NBPF15: variants seen among roughly 807,000 people sequenced by gnomAD.
The protein encoded by NBPF15 is NBPF member 15.
NBPF15 carries 74 observed loss-of-function variants against 62.2 expected under a neutral mutation model. The ratio of observed to expected loss-of-function variants is 1.19; its 90% confidence interval spans 0.99 to 1.44. The LOEUF (loss-of-function observed/expected upper bound fraction) is 1.44, where lower values mean the gene tolerates loss of function less well. NBPF15 is among the 40% of genes most tolerant of loss of function. The pLI, the probability that NBPF15 is intolerant of heterozygous loss-of-function variation, is 0.00. For missense variants in NBPF15, 790 were observed against 550.0 expected, an observed-to-expected ratio of 1.44 and a Z score of -4.36; for synonymous variants, 244 against 209.7, an observed-to-expected ratio of 1.16 and a Z score of -1.41.
At chr1:144,445,346 TATATATATACACAC>T (rs1267449102) in intron 6 of NBPF15, among the ~76,000 whole-genome samples, 6 of 126,202 alleles carry the variant, frequency 4.8e-5, no homozygotes, top group African/African-American at 1.6e-4. Context: ...TATATATATA[TATATATATACACAC>T]ACACACACAC....
At chr1:144,437,784 C>A (rs1203890274) in intron 9 of NBPF15, among the ~76,000 whole-genome samples, 161 bp downstream of exon 9, 833 of 117,514 alleles carry the variant, frequency 7.1e-3, no homozygotes, top group Admixed American at 0.011. Context: ...TTTTTATTAT[C>A]CTTCTTCTCT....
chr1:144,447,529 C>G (rs1688453655), intron 6 of NBPF15, among the ~76,000 whole-genome samples: 5 of 151,684 alleles, frequency 3.3e-5, no homozygotes. Context: ...CACAGGGGAG[C>G]CAGGGATGCA....
Position 144,457,271 on chromosome 1 carries a change from T to A in NBPF15, c.-700-466A>T, listed in dbSNP as rs71239349. ...TTCGATTCTTTCTGTTAGGGAATTA[T>A]GAGTGTGTGGGTGTAGTTAATGCTT... is the stretch of plus-strand genomic sequence containing the variant. On this transcript the variant is annotated intron_variant, in intron 3 of 21. Coordinates refer to ENST00000581897, the MANE Select transcript of NBPF15 (RefSeq NM_001385408.1). Among the ~76,000 whole-genome samples, 112 of 152,190 alleles carry A rather than the reference T, an allele frequency of 7.4e-4. 1 individual carries two copies. Among genetic ancestry groups the A allele is most frequent in the East Asian group, 9.7e-4 (5 of 5,178 alleles).
chr1:144,442,179 T>C (rs1309569609), intron 6 of NBPF15, among the ~76,000 whole-genome samples: 1 of 92,202 alleles, frequency 1.1e-5, no homozygotes, highest in African/African-American at 4.6e-5. Flanking sequence ...TATATATATA[T>C]AATATATATA....
chr1:144,433,490 C>CA (rs1475278213), intron 13 of NBPF15, among the ~76,000 whole-genome samples: 28 of 145,914 alleles, frequency 1.9e-4, no homozygotes, highest in African/African-American at 4.3e-4. Context: ...AAAAACCCTT[C>CA]AAAAAATCAA....
intron 19 of NBPF15, among the ~76,000 whole-genome samples, chr1:144,425,187 G>A (rs1553539061): frequency 2.2e-5 from 3 of 136,284 alleles, no homozygotes; most frequent in Non-Finnish European, 4.7e-5. Flanking sequence ...GACACTCTGA[G>A]TTAGTGCCCT....
intron 14 of NBPF15, among the ~76,000 whole-genome samples, chr1:144,429,052 T>G: frequency 6.6e-6 from 1 of 152,084 alleles, no homozygotes; most frequent in African/African-American, 2.4e-5. Context: ...AGAGATTTGA[T>G]GAAGGGGTGC....
At chr1:144,433,238 G>A (rs1675815878) in intron 13 of NBPF15, among the ~76,000 whole-genome samples, 1 of 151,990 alleles carries the variant, frequency 6.6e-6, no homozygotes. Flanking sequence ...AAATAAAGAT[G>A]TTCTTTGAAA....
rs587762061 is a variant in NBPF15 at position 144,445,970 on chromosome 1, C to T, written c.-191+2805G>A. 4.7e-5 allele frequency among the ~76,000 whole-genome samples: 7 copies of T among 147,532 alleles called. No individual in the cohort carries two copies. In the South Asian group the frequency reaches 8.8e-4, roughly 18 times the overall value. On this transcript the variant is annotated intron_variant, in intron 6 of 21. Coordinates refer to ENST00000581897, the MANE Select transcript of NBPF15 (RefSeq NM_001385408.1). ...CTCCCAGGTTCAAGTGATCCTCCTG[C>T]CTCAGCCTCCCAAGTAGCTGGACTA...
chr1:144,440,957 C>T (rs1413529856), intron 6 of NBPF15, among the ~76,000 whole-genome samples: 14 of 151,748 alleles, frequency 9.2e-5, no homozygotes, highest in Admixed American at 3.9e-4. Flanking sequence ...CATGAGCCAC[C>T]GCACCCGGCC....
chr1:144,455,915 G>C (rs1302399664), intron 4 of NBPF15, among the ~76,000 whole-genome samples: 2 of 152,034 alleles, frequency 1.3e-5, no homozygotes, highest in Non-Finnish European at 2.9e-5. Flanking sequence ...ACAAGGTCCT[G>C]GGGAACCAAG....
chr1:144,442,374 A>T (rs1553542983), intron 6 of NBPF15, among the ~76,000 whole-genome samples: 1 of 138,942 alleles, frequency 7.2e-6, no homozygotes, highest in African/African-American at 2.7e-5. Flanking sequence ...ACATGTATAC[A>T]TGTATATATA....
rs1553538609 is a variant in NBPF15 at position 144,423,255 on chromosome 1, G to C, written c.1771C>G (p.Leu591Val). The C allele has an allele frequency of 1.2e-6, 2 of 1,611,282 alleles. No homozygotes were observed. The highest frequency in any genetic ancestry group is 2.2e-5 in the South Asian group (2 of 90,964). ...GEDDNPPCPR[L>V]YGVLMEVEEP... is the part of the protein sequence containing the mutation. The stretch of plus-strand genomic sequence containing the variant: ...TCCACTTCCATCAGCACGCCGTAGA[G>C]CCTGGAAAAGGAGACAAAACTAAAG... Residue 591 changes from leucine (L) to valine (V), a missense_variant and splice_region_variant, in exon 22 of 22, where the codon CTC (leucine) becomes GTC (valine). Leu to Val is a conservative substitution (Grantham distance 32). Transcript: ENST00000581897.
Position 144,451,337 on chromosome 1 carries a change from G to A in NBPF15, c.-431-467C>T, listed in dbSNP as rs377640780. On this transcript the variant is annotated intron_variant, in intron 4 of 21. Transcript: ENST00000581897. ...GGGATATACAATCGGGCTTTACACC[G>A]AGACATTCCATTGCCCAGGGATGAG... Among the ~76,000 whole-genome samples, 9 of 151,810 alleles carry A rather than the reference G, an allele frequency of 5.9e-5. No homozygotes were observed. The South Asian group carries it at 6.3e-4, about 11-fold the overall frequency.
chr1:144,423,502 T>C lies in NBPF15; in HGVS notation c.1770-246A>G, dbSNP rs587755770. Among the ~76,000 whole-genome samples the C allele has an allele frequency of 5.3e-4, 81 of 151,952 alleles. 1 individual carries two copies. The highest frequency in any genetic ancestry group is 1.6e-3 in the Admixed American group (25 of 15,240). On this transcript the variant is annotated intron_variant, in intron 21 of 21. Transcript: ENST00000581897. ...GACAGAGAGAAAGTGAGCTAGTGAA[T>C]TGCCCAGGTGACATACTGGTAAGGG... is the stretch of plus-strand genomic sequence containing the variant.
Position 144,422,946 on chromosome 1 carries a change from T to C in NBPF15, c.*67A>G. 6.8e-6 allele frequency: 11 copies of C among 1,611,578 alleles called. 1 individual carries two copies. In the South Asian group the frequency reaches 1.2e-4, roughly 18 times the overall value. On this transcript the variant is annotated 3_prime_UTR_variant, in exon 22 of 22. Transcript: ENST00000581897. Reference sequence around the variant, plus strand: ...GCTTCCAAATGGAACTGTACTTTCATTCAAATCTTCTCGTGCCTATAGGTC... The same window carrying C: ...GCTTCCAAATGGAACTGTACTTTCACTCAAATCTTCTCGTGCCTATAGGTC...
intron 13 of NBPF15, among the ~76,000 whole-genome samples, chr1:144,432,457 A>C (rs9438163): frequency 1.3e-5 from 2 of 152,002 alleles, no homozygotes; most frequent in Non-Finnish European, 2.9e-5. Flanking sequence ...CACACATAAC[A>C]ATATTAACCT....
Position 144,426,449 on chromosome 1 carries a change from G to A in NBPF15, c.1267C>T (p.Leu423Phe), listed in dbSNP as rs1312283944. 7 of 794,950 alleles carry A rather than the reference G, an allele frequency of 8.8e-6. No individual in the cohort carries two copies. The highest frequency in any genetic ancestry group is 1.6e-5 in the Non-Finnish European group (7 of 435,796). 49.2% of individuals were successfully genotyped at this position (794,950 alleles called of 1,614,324 possible). A position where few individuals can be genotyped will look rare whatever the true frequency, so the allele number is the denominator to read the frequency against. The change falls in exon 18 of 22, where the codon CTC (leucine) becomes TTC (phenylalanine). Residue 423 changes from leucine (L) to phenylalanine (F), a missense_variant and splice_region_variant. Coordinates refer to ENST00000581897, the MANE Select transcript of NBPF15 (RefSeq NM_001385408.1). ...TTCTCATCCAGCAGCTCCCTGCTGA[G>A]CCTGGAAAAGTAGGAAAAAGTAAAG... Reference protein sequence around the residue: ...EEDQDPSCPRLSRELLDEKEP... With the variant: ...EEDQDPSCPRFSRELLDEKEP...
At chr1:144,434,917 G>C (rs587672448) in intron 12 of NBPF15, among the ~76,000 whole-genome samples, 194 bp downstream of exon 12, 1 of 152,130 alleles carries the variant, frequency 6.6e-6, no homozygotes, top group South Asian at 2.1e-4. Flanking sequence ...GCCTGGGGTT[G>C]AGTAACTTGA....
Sources: gnomAD v4.1 joint callset for allele counts (sites outside exome capture counted in the v4.1 genomes callset) on GRCh38, gnomAD v4.1.1 for gene constraint, MANE v1.5 for transcripts, NCBI Gene and HGNC (gene_info 2026-07-23, HGNC 2026-07-21) for gene names.